Variants in TBCD observed in about 807,000 individuals in gnomAD.
TBCD encodes tubulin folding cofactor D.
A neutral mutation model predicts 169.3 loss-of-function variants in TBCD; 105 were observed. The observed-to-expected ratio is 0.62, with a 90% CI of 0.53 to 0.73. TBCD has a LOEUF of 0.73. Among genes scored for constraint, TBCD ranks in the 30% least tolerant of loss-of-function variants. TBCD has a pLI of 0.00. For synonymous variants in TBCD, 700 were observed against 643.9 expected (o/e 1.09, Z -1.32); for missense variants, 1,444 against 1,600.1 (o/e 0.90, Z 1.66).
rs1458675940 is a variant in TBCD, at chr17:82,792,596, G to A, written c.772-5161G>A. On this transcript the variant is annotated intron_variant, in intron 7 of 38. Transcript: ENST00000355528. ...TCTCTTTGAGAGCTGTGTTGCCTTG[G>A]TTTATGGATGAGGACATGGACCCAG... Among the ~76,000 whole-genome samples the A allele has an allele frequency of 3.3e-5, 5 of 152,178 alleles. No individual in the cohort carries two copies. In the East Asian group the frequency reaches 9.6e-4, roughly 29 times the overall value.
At chr17:82,772,844 C>A (rs1166999626) in intron 6 of TBCD, among the ~76,000 whole-genome samples, 1 of 152,174 alleles carries the variant, frequency 6.6e-6, no homozygotes, top group African/African-American at 2.4e-5. Context: ...CATCTCGGGC[C>A]GTCTCCCATG....
Position 82,929,461 on chromosome 17 carries a change from G to T in TBCD, c.2952G>T (p.Leu984=). 6.2e-7 allele frequency: 1 copy of T among 1,610,540 alleles called. No individual in the cohort carries two copies. The highest frequency in any genetic ancestry group is 1.1e-5 in the South Asian group (1 of 91,080). Reference sequence around the variant, plus strand: ...CCACCTACCGCTACCACGTCCTGCTGGGGCTAGTCGTGTCCCTGGGCGGCT... The same window carrying T: ...CCACCTACCGCTACCACGTCCTGCTTGGGCTAGTCGTGTCCCTGGGCGGCT... ...GLPTYRYHVL[L]GLVVSLGGLT... Residue 984 remains leucine, a synonymous_variant, in exon 32 of 39, where the codon CTG becomes CTT. Transcript: ENST00000355528.
intron 13 of TBCD, among the ~76,000 whole-genome samples, chr17:82,846,197 T>C (rs995652572): frequency 1.8e-4 from 23 of 125,860 alleles, no homozygotes; most frequent in Non-Finnish European, 3.0e-4. Context: ...TCCCTCCACG[T>C]GCTGCGTCCG....
rs745594008 is a variant in TBCD at position 82,832,274 on chromosome 17, G to T, written c.1318+17340G>T. On this transcript the variant is annotated intron_variant, in intron 13 of 38. Transcript: ENST00000355528. This position sits in a 1 kb window ranked among gnomAD's most constrained non-coding sequence, Gnocchi z 4.9. ...TTAGATTTAGGGCACTTGGGAACTC[G>T]ATCCTGCTCTGATACTAAAGTAATC... 1 of 1,614,238 alleles carries T rather than the reference G, an allele frequency of 6.2e-7. No homozygotes were observed. The highest frequency in any genetic ancestry group is 8.5e-7 in the Non-Finnish European group (1 of 1,180,046).
chr17:82,881,555 G>A (rs1424422723), intron 14 of TBCD, among the ~76,000 whole-genome samples: 1 of 152,168 alleles, frequency 6.6e-6, no homozygotes, highest in Non-Finnish European at 1.5e-5. Flanking sequence ...CCTGCTGCTG[G>A]GGCTGGAGGG....
intron 8 of TBCD, among the ~76,000 whole-genome samples, chr17:82,798,204 T>C (rs1305779254): frequency 1.3e-5 from 2 of 150,296 alleles, no homozygotes; most frequent in Non-Finnish European, 3.0e-5. Flanking sequence ...TGGAGTGCAG[T>C]GGCACTATCT....
At chr17:82,927,838 G>A (rs1211057549) in intron 29 of TBCD, 67 bp from the exon 30 acceptor site, 2 of 1,428,994 alleles carry the variant, frequency 1.4e-6, no homozygotes, top group African/African-American at 1.4e-5. Context: ...TGCCGGCGTG[G>A]TGGGCAGAAC....
chr17:82,805,842 A>C, intron 9 of TBCD, 33 bp from the exon 10 acceptor site: 8 of 1,584,306 alleles, frequency 5.0e-6, no homozygotes, highest in South Asian at 1.1e-5. Flanking sequence ...TGTGAGCTAC[A>C]AAGCTGATCT....
intron 8 of TBCD, 52 bp from the exon 9 acceptor site, chr17:82,800,812 G>A: frequency 3.2e-6 from 5 of 1,571,438 alleles, no homozygotes; most frequent in Non-Finnish European, 3.5e-6. Context: ...AGGTGGTGCA[G>A]TCAGAAGATG....
intron 37 of TBCD, among the ~76,000 whole-genome samples, chr17:82,940,343 G>T (rs1332940938): frequency 2.0e-5 from 3 of 152,228 alleles, no homozygotes; most frequent in African/African-American, 7.2e-5. Flanking sequence ...CCGGGGTGGT[G>T]GAGTCCCAGG....
chr17:82,857,344 A>G (rs757725685), intron 13 of TBCD, among the ~76,000 whole-genome samples: 2 of 152,130 alleles, frequency 1.3e-5, no homozygotes, highest in Non-Finnish European at 2.9e-5. Context: ...AGCTGTTTGT[A>G]TCTTCTGGAT....
At chr17:82,925,685 G>A (rs1263956322) in intron 27 of TBCD, among the ~76,000 whole-genome samples, 2 of 152,182 alleles carry the variant, frequency 1.3e-5, no homozygotes, top group African/African-American at 2.4e-5. Flanking sequence ...GTGGCGGGTG[G>A]GCCTCGCAGC....
Position 82,832,266 on chromosome 17 carries a change from G to C in TBCD, c.1318+17332G>C. The C allele has an allele frequency of 6.2e-7, 1 of 1,614,206 alleles. No individual in the cohort carries two copies. Among genetic ancestry groups the C allele is most frequent in the Non-Finnish European group, 8.5e-7 (1 of 1,180,032 alleles). ...CTAGTGAGTTAGATTTAGGGCACTT[G>C]GGAACTCGATCCTGCTCTGATACTA... On this transcript the variant is annotated intron_variant, in intron 13 of 38. Coordinates refer to ENST00000355528, the MANE Select transcript of TBCD (RefSeq NM_005993.5). This position sits in a 1 kb window ranked among gnomAD's most constrained non-coding sequence, Gnocchi z 4.9.
chr17:82,794,312 G>A (rs1330549071), intron 7 of TBCD, among the ~76,000 whole-genome samples: 1 of 152,210 alleles, frequency 6.6e-6, no homozygotes. Flanking sequence ...GGTAGCCATC[G>A]AAAGGTGGGG....
Position 82,923,733 on chromosome 17 carries a change from G to T in TBCD, c.2260G>T (p.Glu754Ter). The T allele has an allele frequency of 6.3e-7, 1 of 1,595,386 alleles. No individual in the cohort carries two copies. ...GGGGGAGGCAGATCCCGCAATTCAG[G>T]GTGAGTGGGGAGCCCTTTTCTTGAA... ...EPGEADPAIQ[E>*]ELITQYLAEL... The change falls in exon 26 of 39, where the codon GAG (glutamate) becomes TAG (stop). Residue 754 changes from glutamate (E) to a stop codon, truncating the protein, a stop_gained and splice_region_variant. Coordinates refer to ENST00000355528, the MANE Select transcript of TBCD (RefSeq NM_005993.5). LOFTEE classifies it high-confidence loss of function. The surrounding 1 kb of genome is among the most constrained non-coding windows in gnomAD (Gnocchi z 4.6).
At position 82,880,143 on chromosome 17, in the gene TBCD, CCTT is replaced by C. The variant is rs1172164169; in HGVS notation, c.1476-3997_1476-3995del. On this transcript the variant is annotated intron_variant, in intron 14 of 38. Coordinates refer to ENST00000355528, the MANE Select transcript of TBCD (RefSeq NM_005993.5). This position sits in a 1 kb window ranked among gnomAD's most constrained non-coding sequence, Gnocchi z 5.0. Reference sequence around the variant, plus strand: ...TCTTCTGCCTCCTGTGTCTGTCCTTCCTTCTTCCTTCCTGTATGTATTTATCTC... The same window carrying C: ...TCTTCTGCCTCCTGTGTCTGTCCTTCCTTCCTTCCTGTATGTATTTATCTC... Among the ~76,000 whole-genome samples the C allele has an allele frequency of 6.6e-6, 1 of 152,186 alleles. No homozygotes were observed. Among genetic ancestry groups the C allele is most frequent in the African/African-American group, 2.4e-5 (1 of 41,442 alleles).
chr17:82,806,123 C>G lies in TBCD; in HGVS notation c.1087+112C>G. 1 of 1,444,750 alleles carries G rather than the reference C, an allele frequency of 6.9e-7. No homozygotes were observed. The highest frequency in any genetic ancestry group is 9.3e-7 in the Non-Finnish European group (1 of 1,071,224). 89.5% of individuals were successfully genotyped at this position (1,444,750 alleles called of 1,614,324 possible). A position where few individuals can be genotyped will look rare whatever the true frequency, so the allele number is the denominator to read the frequency against. On this transcript the variant is annotated intron_variant, in intron 10 of 38. Coordinates refer to ENST00000355528, the MANE Select transcript of TBCD (RefSeq NM_005993.5). The surrounding 1 kb of genome is among the most constrained non-coding windows in gnomAD (Gnocchi z 5.1). ...TGCTGGTGCCGGCACTGTCTGGCCA[C>G]CCGTCCCCTTCGCTGAGTGCACGGT...
intron 28 of TBCD, 126 bp downstream of exon 28, chr17:82,926,617 C>G: frequency 1.3e-6 from 1 of 768,224 alleles, no homozygotes; most frequent in Non-Finnish European, 2.1e-6. Flanking sequence ...TCCTCTCTTC[C>G]AGAGGATCGT....
intron 13 of TBCD, among the ~76,000 whole-genome samples, chr17:82,852,243 CCT>C (rs896157844): frequency 2.1e-4 from 31 of 150,868 alleles, no homozygotes; most frequent in African/African-American, 7.3e-4. Context: ...CCCCTGTGGT[CCT>C]CTGTGGTGGC....
Sources: allele counts gnomAD v4.1 joint callset (sites outside exome capture counted in the v4.1 genomes callset), GRCh38; gene constraint gnomAD v4.1.1; non-coding constraint Gnocchi (gnomAD v3.1); transcripts MANE v1.5; gene names NCBI Gene and HGNC (gene_info 2026-07-23, HGNC 2026-07-21).